The following CCSER1 variants were observed in gnomAD, a reference collection of about 807,000 sequenced individuals.
The protein encoded by CCSER1 is serine-rich coiled-coil domain-containing protein 1.
CCSER1 carries 41 observed loss-of-function variants against 82.0 expected under a neutral mutation model. The observed-to-expected ratio is 0.50, with a 90% CI of 0.39 to 0.65. CCSER1 has a LOEUF of 0.65. Among genes scored for constraint, CCSER1 ranks in the 30% least tolerant of loss-of-function variants. The probability of loss-of-function intolerance (pLI) is 0.00; values close to 1 mark genes in which losing one functional copy is unlikely to be tolerated. For synonymous variants in CCSER1, 414 were observed against 383.9 expected, an observed-to-expected ratio of 1.08 and a Z score of -0.92; for missense variants, 1,119 against 1,064.2, an observed-to-expected ratio of 1.05 and a Z score of -0.72.
intron 7 of CCSER1, among the ~76,000 whole-genome samples, chr4:90,787,184 C>T (rs959888203): frequency 1.3e-5 from 2 of 152,132 alleles, no homozygotes; most frequent in Non-Finnish European, 2.9e-5. Flanking sequence ...ATTCCTTCCT[C>T]CAGGATATGA....
At chr4:90,154,105 G>C (rs1319757906) in intron 1 of CCSER1, among the ~76,000 whole-genome samples, 1 of 152,178 alleles carries the variant, frequency 6.6e-6, no homozygotes, top group Non-Finnish European at 1.5e-5. Flanking sequence ...TGGCTAGCCA[G>C]TTTTCCTAGC....
intron 10 of CCSER1, among the ~76,000 whole-genome samples, chr4:91,371,713 G>A (rs1750062710): frequency 6.6e-6 from 1 of 151,976 alleles, no homozygotes; most frequent in Admixed American, 6.6e-5. Flanking sequence ...TTTCATTCTT[G>A]ACAATCTCTA....
At chr4:90,580,364 A>T (rs74428887) in intron 5 of CCSER1, among the ~76,000 whole-genome samples, 5 of 152,266 alleles carry the variant, frequency 3.3e-5, no homozygotes, top group Non-Finnish European at 7.4e-5. Context: ...GCAACCAGAG[A>T]AACTTACCTC....
intron 10 of CCSER1, among the ~76,000 whole-genome samples, chr4:91,186,774 C>T (rs1004370908): frequency 2.6e-5 from 4 of 152,198 alleles, no homozygotes; most frequent in Admixed American, 6.5e-5. Context: ...ATAGGTTGGG[C>T]TAGTTAACTG....
intron 5 of CCSER1, among the ~76,000 whole-genome samples, chr4:90,508,232 G>T (rs1770984340): frequency 6.6e-6 from 1 of 152,082 alleles, no homozygotes; most frequent in South Asian, 2.1e-4. Flanking sequence ...GTATAAGAAT[G>T]AAGTTGTTCA....
intron 10 of CCSER1, among the ~76,000 whole-genome samples, chr4:91,486,252 T>C (rs1254852832): frequency 2.0e-5 from 3 of 152,036 alleles, no homozygotes; most frequent in Admixed American, 1.3e-4. Flanking sequence ...TTTTAAATTA[T>C]AGGGCCTTCA....
At chr4:90,985,875 A>G (rs1467616271) in intron 9 of CCSER1, among the ~76,000 whole-genome samples, 1 of 151,786 alleles carries the variant, frequency 6.6e-6, no homozygotes. Flanking sequence ...CATATTTTTG[A>G]CAGCAAAAAT....
At chr4:91,160,406 T>C (rs1249362684) in intron 10 of CCSER1, among the ~76,000 whole-genome samples, 2 of 152,234 alleles carry the variant, frequency 1.3e-5, no homozygotes, top group East Asian at 1.9e-4. Context: ...TTTGGGTATA[T>C]ACCAGGCAAT....
At chr4:90,770,619 A>C (rs1345061319) in intron 7 of CCSER1, among the ~76,000 whole-genome samples, 1 of 152,158 alleles carries the variant, frequency 6.6e-6, no homozygotes, top group Non-Finnish European at 1.5e-5. Context: ...AGTGGTTACC[A>C]TGTATTATGC....
intron 10 of CCSER1, among the ~76,000 whole-genome samples, chr4:91,233,169 C>T (rs545325824): frequency 6.6e-6 from 1 of 151,732 alleles, no homozygotes; most frequent in South Asian, 2.1e-4. Context: ...AATGATCCTG[C>T]TCCAAAACAA....
At chr4:90,531,472 G>T (rs1774522430) in intron 5 of CCSER1, among the ~76,000 whole-genome samples, 1 of 146,990 alleles carries the variant, frequency 6.8e-6, no homozygotes, top group Non-Finnish European at 1.5e-5. Flanking sequence ...TTATTAGTTT[G>T]TGTGATTCTG....
At chr4:90,766,611 G>C (rs1373541762) in intron 7 of CCSER1, among the ~76,000 whole-genome samples, 2 of 151,598 alleles carry the variant, frequency 1.3e-5, no homozygotes, top group African/African-American at 4.8e-5. Flanking sequence ...GCCACTGCTG[G>C]GTGACAAAGC....
chr4:91,367,395 T>C (rs1435719542), intron 10 of CCSER1, among the ~76,000 whole-genome samples: 2 of 148,490 alleles, frequency 1.3e-5, no homozygotes, highest in Admixed American at 6.8e-5. Context: ...ATGAGATCCA[T>C]GGAAGTTTCC....
chr4:91,254,532 A>G (rs1374727413), intron 10 of CCSER1, among the ~76,000 whole-genome samples: 1 of 152,162 alleles, frequency 6.6e-6, no homozygotes, highest in East Asian at 1.9e-4. Flanking sequence ...TGGTTGTAAG[A>G]GACTGAATGA....
chr4:90,467,367 G>T (rs959385504), intron 4 of CCSER1, among the ~76,000 whole-genome samples: 1 of 151,782 alleles, frequency 6.6e-6, no homozygotes, highest in Non-Finnish European at 1.5e-5. Context: ...CTGGGTGACA[G>T]AGCGAGACTC....
At chr4:91,231,023 G>A (rs550779554) in intron 10 of CCSER1, among the ~76,000 whole-genome samples, 3 of 151,820 alleles carry the variant, frequency 2.0e-5, no homozygotes, top group East Asian at 1.9e-4. Context: ...AGAATATAAG[G>A]TGTTTTAGCC....
At chr4:91,584,912 A>G (rs1477543982) in intron 10 of CCSER1, among the ~76,000 whole-genome samples, 3 of 151,452 alleles carry the variant, frequency 2.0e-5, no homozygotes, top group Non-Finnish European at 4.4e-5. Context: ...TTCATTCTTA[A>G]CAAGTGTATG....
chr4:90,712,948 A>G (rs1740930291), intron 6 of CCSER1, among the ~76,000 whole-genome samples: 1 of 147,064 alleles, frequency 6.8e-6, no homozygotes, highest in Admixed American at 6.8e-5. Context: ...CTGTTTTGTC[A>G]GATAGTAGGA....
At chr4:91,590,724 T>C (rs532692111) in intron 10 of CCSER1, among the ~76,000 whole-genome samples, 1 of 152,256 alleles carries the variant, frequency 6.6e-6, no homozygotes, top group South Asian at 2.1e-4. Flanking sequence ...GCTTTCATTG[T>C]GTATTACTAC....
Sources: gnomAD v4.1 joint callset for allele counts (sites outside exome capture counted in the v4.1 genomes callset) on GRCh38, gnomAD v4.1.1 for gene constraint, MANE v1.5 for transcripts, NCBI Gene and HGNC (gene_info 2026-07-23, HGNC 2026-07-21) for gene names.